Variants in TTC28 observed in about 807,000 individuals in gnomAD.
TTC28 encodes tetratricopeptide repeat protein 28.
TTC28 carries 61 observed loss-of-function variants against 198.0 expected under a neutral mutation model. The ratio of observed to expected loss-of-function variants is 0.31; its 90% CI spans 0.25 to 0.38. The LOEUF (loss-of-function observed/expected upper bound fraction) is 0.38, where lower values mean the gene tolerates loss of function less well. Ranked by LOEUF, TTC28 falls within the 10% of genes least tolerant of loss-of-function variation. The probability of loss-of-function intolerance (pLI) is 1.00; values close to 1 mark genes in which losing one functional copy is unlikely to be tolerated. For missense variants in TTC28, 2,678 were observed against 3,164.0 expected, an observed-to-expected ratio of 0.85 and a Z score of 3.69; for synonymous variants, 1,171 against 1,297.8, an observed-to-expected ratio of 0.90 and a Z score of 2.10.
chr22:28,192,139 G>A (rs541246887), intron 5 of TTC28, among the ~76,000 whole-genome samples: 142 of 152,250 alleles, frequency 9.3e-4, no homozygotes, highest in Admixed American at 2.6e-3. Context: ...ACCAATAACC[G>A]CTGTTCTGCA....
intron 2 of TTC28, among the ~76,000 whole-genome samples, chr22:28,347,117 A>T (rs2045914490): frequency 6.6e-6 from 1 of 151,872 alleles, no homozygotes; most frequent in Non-Finnish European, 1.5e-5. Context: ...TACAAAAATT[A>T]GCTGGATGTG....
intron 5 of TTC28, among the ~76,000 whole-genome samples, chr22:28,165,388 A>C (rs538855367): frequency 1.4e-4 from 22 of 152,180 alleles, no homozygotes; most frequent in African/African-American, 5.1e-4. Context: ...AGATTCACCA[A>C]AGTTGAAATG....
chr22:27,993,882 C>T (rs557235092), intron 17 of TTC28, among the ~76,000 whole-genome samples: 1 of 152,358 alleles, frequency 6.6e-6, no homozygotes, highest in African/African-American at 2.4e-5. Context: ...GATAAACCCT[C>T]AGGCCCTTCA....
chr22:28,629,554 T>G lies in TTC28; in HGVS notation c.379A>C (p.Lys127Gln), dbSNP rs759058568. The G allele has an allele frequency of 3.2e-6, 5 of 1,546,716 alleles. No individual in the cohort carries two copies. In the South Asian group the frequency reaches 6.0e-5, roughly 19 times the overall value. ...KARLLNPKWP[K>Q]AYFRQGVALQ... ...TCTTCATAGGTAAAAATTTCTACCT[T>G]TGGCCACTTGGGATTGAGAAGTCGA... Residue 127 changes from lysine to glutamine, a missense_variant and splice_region_variant, in exon 2 of 23, where the codon AAG becomes CAG. By Grantham distance (53) the Lys-to-Gln change is moderately conservative (BLOSUM62 1). This residue lies in a region of TTC28 where 176 missense variants were observed against 197.9 expected (regional missense o/e 0.89). Coordinates refer to ENST00000397906, the MANE Select transcript of TTC28 (RefSeq NM_001145418.2).
chr22:28,250,041 G>A (rs1930408242), intron 5 of TTC28, among the ~76,000 whole-genome samples: 2 of 152,184 alleles, frequency 1.3e-5, no homozygotes, highest in African/African-American at 4.8e-5. Context: ...TTAGAGAGGT[G>A]TCTAATGTAA....
chr22:28,511,256 T>C (rs917592963), intron 2 of TTC28, among the ~76,000 whole-genome samples: 2 of 152,094 alleles, frequency 1.3e-5, no homozygotes, highest in Non-Finnish European at 2.9e-5. Context: ...AACTTCAAAC[T>C]ATACTACAAG....
chr22:28,356,738 G>A (rs913987673), intron 2 of TTC28, among the ~76,000 whole-genome samples: 1 of 151,104 alleles, frequency 6.6e-6, no homozygotes. Context: ...GCACAGGGGA[G>A]TGGGCAGCTG....
chr22:28,371,890 A>C (rs1367214181), intron 2 of TTC28, among the ~76,000 whole-genome samples: 1 of 150,996 alleles, frequency 6.6e-6, no homozygotes, highest in Non-Finnish European at 1.5e-5. Context: ...CCAAAAAAAA[A>C]AAAAATTTTT....
intron 2 of TTC28, among the ~76,000 whole-genome samples, chr22:28,408,877 T>C (rs1010963638): frequency 6.6e-6 from 1 of 152,256 alleles, no homozygotes; most frequent in South Asian, 2.1e-4. Flanking sequence ...GGACAGATGG[T>C]ACAGTTACTC....
intron 12 of TTC28, among the ~76,000 whole-genome samples, chr22:28,087,266 A>G (rs1397050266): frequency 6.6e-6 from 1 of 152,212 alleles, no homozygotes; most frequent in East Asian, 1.9e-4. Context: ...TCCTCAATAA[A>G]ATAATGGCAA....
intron 2 of TTC28, among the ~76,000 whole-genome samples, chr22:28,616,583 G>A (rs1249233290): frequency 6.6e-6 from 1 of 152,122 alleles, no homozygotes; most frequent in African/African-American, 2.4e-5. Context: ...CAGACACAGT[G>A]GTTCATGCCT....
chr22:28,208,131 G>A (rs1926590985), intron 5 of TTC28, among the ~76,000 whole-genome samples: 1 of 152,140 alleles, frequency 6.6e-6, no homozygotes, highest in South Asian at 2.1e-4. Flanking sequence ...CCAAAATGCT[G>A]CAAGGTGCTT....
intron 6 of TTC28, among the ~76,000 whole-genome samples, chr22:28,154,518 T>A (rs1236827655): frequency 1.3e-5 from 2 of 151,952 alleles, no homozygotes; most frequent in East Asian, 3.9e-4. Context: ...GCCCAGCTAA[T>A]TTTTTCTTTT....
intron 2 of TTC28, among the ~76,000 whole-genome samples, chr22:28,329,672 TTCTC>T (rs1033580166): frequency 1.3e-5 from 2 of 152,148 alleles, no homozygotes; most frequent in African/African-American, 4.8e-5. Context: ...CCCATTTTCT[TTCTC>T]TGTTTTTGTT....
chr22:28,517,075 G>T (rs2048804630), intron 2 of TTC28, among the ~76,000 whole-genome samples: 1 of 152,178 alleles, frequency 6.6e-6, no homozygotes, highest in Admixed American at 6.5e-5. Flanking sequence ...CGCAGAGCTA[G>T]GTTTTCAAAC....
intron 6 of TTC28, among the ~76,000 whole-genome samples, chr22:28,124,634 C>A (rs986980070): frequency 6.6e-6 from 1 of 152,156 alleles, no homozygotes; most frequent in Non-Finnish European, 1.5e-5. Context: ...TTAACCAGTA[C>A]ACTCAAATAG....
At chr22:28,074,853 A>G (rs1941117448) in intron 12 of TTC28, among the ~76,000 whole-genome samples, 2 of 152,178 alleles carry the variant, frequency 1.3e-5, no homozygotes, top group South Asian at 4.1e-4. Flanking sequence ...TAATCCCAGC[A>G]CTTTGGGAGG....
At chr22:28,147,960 A>G (rs1009570077) in intron 6 of TTC28, among the ~76,000 whole-genome samples, 3 of 152,218 alleles carry the variant, frequency 2.0e-5, no homozygotes, top group African/African-American at 7.2e-5. Context: ...ATAGACTATT[A>G]AGTTCATGTA....
intron 2 of TTC28, among the ~76,000 whole-genome samples, chr22:28,541,764 G>C (rs1417269288): frequency 6.6e-6 from 1 of 151,972 alleles, no homozygotes; most frequent in African/African-American, 2.4e-5. Flanking sequence ...GGAACTTCTA[G>C]AGATGAAAAA....
Sources: allele counts gnomAD v4.1 joint callset (sites outside exome capture counted in the v4.1 genomes callset), GRCh38; gene constraint gnomAD v4.1.1; regional missense constraint gnomAD v4.1.1; transcripts MANE v1.5; gene names NCBI Gene and HGNC (gene_info 2026-07-23, HGNC 2026-07-21).